The following GPC5 variants were observed in gnomAD, a reference collection of about 807,000 sequenced individuals.
GPC5 encodes glypican-5.
A neutral mutation model predicts 53.9 loss-of-function variants in GPC5; 47 were observed. The ratio of observed to expected loss-of-function variants is 0.87; its 90% CI spans 0.69 to 1.11. The LOEUF (loss-of-function observed/expected upper bound fraction) is 1.11. Among genes scored for constraint, GPC5 ranks in the 50% most tolerant of loss-of-function variants. The probability of loss-of-function intolerance (pLI) is 0.00; values close to 1 mark genes in which losing one functional copy is unlikely to be tolerated. For missense variants in GPC5, 748 were observed against 713.1 expected, an observed-to-expected ratio of 1.05 and a Z score of -0.56; for synonymous variants, 286 against 263.3, an observed-to-expected ratio of 1.09 and a Z score of -0.84.
At chr13:92,715,646 T>C (rs890643013) in intron 7 of GPC5, among the ~76,000 whole-genome samples, 2 of 152,188 alleles carry the variant, frequency 1.3e-5, no homozygotes, top group African/African-American at 4.8e-5. Flanking sequence ...ATCTCATAAA[T>C]TTTCTCAACT....
At chr13:91,620,844 A>C (rs994807765) in intron 2 of GPC5, among the ~76,000 whole-genome samples, 9 of 152,074 alleles carry the variant, frequency 5.9e-5, no homozygotes, top group Non-Finnish European at 1.2e-4. Flanking sequence ...CAATACCTTC[A>C]TTTGCTTTGA....
intron 7 of GPC5, among the ~76,000 whole-genome samples, chr13:92,217,618 G>A (rs2042420103): frequency 6.6e-6 from 1 of 152,176 alleles, no homozygotes; most frequent in Non-Finnish European, 1.5e-5. Flanking sequence ...CCGCCACCAA[G>A]TGCAAAATCC....
chr13:91,412,778 T>A (rs1354854594), intron 1 of GPC5, among the ~76,000 whole-genome samples: 1 of 152,236 alleles, frequency 6.6e-6, no homozygotes, highest in Admixed American at 6.5e-5. Flanking sequence ...TGTCTCTGCC[T>A]TCTGGAGAAT....
intron 1 of GPC5, among the ~76,000 whole-genome samples, chr13:91,425,838 G>T (rs531149501): frequency 6.6e-6 from 1 of 152,262 alleles, no homozygotes; most frequent in Admixed American, 6.5e-5. Flanking sequence ...GGAAGATGTG[G>T]GAAAGTTTGG....
At chr13:92,412,825 T>C (rs936891247) in intron 7 of GPC5, among the ~76,000 whole-genome samples, 1 of 152,220 alleles carries the variant, frequency 6.6e-6, no homozygotes, top group African/African-American at 2.4e-5. Context: ...GATACATTAA[T>C]ATCTAGATCT....
At position 92,692,738 on chromosome 13, in the gene GPC5, C is replaced by G. The variant is rs141541371; in HGVS notation, c.1562-173544C>G. 5.8e-3 allele frequency among the ~76,000 whole-genome samples: 679 copies of G among 116,990 alleles called. 2 individuals carry two copies. The highest frequency in any genetic ancestry group is 9.6e-3 in the Non-Finnish European group (555 of 57,834). 76.7% of individuals were successfully genotyped at this position (116,990 alleles called of 152,430 possible). A position where few individuals can be genotyped will look rare whatever the true frequency, so the allele number is the denominator to read the frequency against. ...ACGTGTGTTCCCTTTCCTCCAAAGC[C>G]TCACCAATATCGGCTATTTTTTTTT... On this transcript the variant is annotated intron_variant, in intron 7 of 7. Coordinates refer to ENST00000377067, the MANE Select transcript of GPC5 (RefSeq NM_004466.6).
intron 7 of GPC5, among the ~76,000 whole-genome samples, chr13:92,782,049 G>C (rs1455091174): frequency 2.0e-5 from 3 of 150,698 alleles, no homozygotes; most frequent in Non-Finnish European, 1.5e-5. Context: ...GAAAGGAAGG[G>C]AAGGGAAGTG....
At chr13:91,775,163 G>A (rs867374241) in intron 5 of GPC5, among the ~76,000 whole-genome samples, 8 of 152,078 alleles carry the variant, frequency 5.3e-5, no homozygotes, top group South Asian at 2.1e-4. Flanking sequence ...AGAGATGAGC[G>A]GAAGAGGTTT....
intron 7 of GPC5, among the ~76,000 whole-genome samples, chr13:92,383,643 T>A (rs1020259479): frequency 6.6e-6 from 1 of 152,214 alleles, no homozygotes; most frequent in African/African-American, 2.4e-5. Context: ...GTCAACAATC[T>A]GTTTCAGTGA....
chr13:92,432,411 C>CTGGAAT (rs1390645504), intron 7 of GPC5, among the ~76,000 whole-genome samples: 4 of 132,126 alleles, frequency 3.0e-5, no homozygotes, highest in Non-Finnish European at 4.6e-5. Flanking sequence ...GTCACCCAGG[C>CTGGAAT]TGGAATGCAG....
intron 5 of GPC5, among the ~76,000 whole-genome samples, chr13:91,792,221 A>G (rs894385284): frequency 6.6e-6 from 1 of 152,244 alleles, no homozygotes; most frequent in African/African-American, 2.4e-5. Flanking sequence ...TCCTGACTTC[A>G]CTGCGTAGCA....
intron 2 of GPC5, among the ~76,000 whole-genome samples, chr13:91,505,572 G>T (rs1220246648): frequency 6.6e-6 from 1 of 152,154 alleles, no homozygotes; most frequent in African/African-American, 2.4e-5. Flanking sequence ...TCAGCACTTT[G>T]TTCAAGTTTC....
intron 7 of GPC5, among the ~76,000 whole-genome samples, chr13:92,445,895 G>T (rs1052527318): frequency 2.0e-5 from 3 of 152,026 alleles, no homozygotes; most frequent in Non-Finnish European, 4.4e-5. Context: ...CTCCTGAGTA[G>T]CTGGGATTAT....
At chr13:91,850,866 G>T (rs1030192872) in intron 5 of GPC5, among the ~76,000 whole-genome samples, 2 of 151,972 alleles carry the variant, frequency 1.3e-5, no homozygotes, top group African/African-American at 4.8e-5. Flanking sequence ...TTTGTTTGGG[G>T]CTCTATCCTT....
At chr13:92,153,442 T>C (rs923874861) in intron 7 of GPC5, among the ~76,000 whole-genome samples, 1 of 152,178 alleles carries the variant, frequency 6.6e-6, no homozygotes, top group Admixed American at 6.5e-5. Context: ...CCAGCCTTCA[T>C]TTCCTTTTAC....
At position 91,498,104 on chromosome 13, in the gene GPC5, G is replaced by A. The variant is rs1023232777; in HGVS notation, c.325+49182G>A. The stretch of plus-strand genomic sequence containing the variant: ...TAATCTTAGATTTTTTTTTTCTCCC[G>A]CTTAATGCTTTTCACCCCCCTACCT... On this transcript the variant is annotated intron_variant, in intron 2 of 7. Coordinates refer to ENST00000377067, the MANE Select transcript of GPC5 (RefSeq NM_004466.6). Among the ~76,000 whole-genome samples, 7 of 146,898 alleles carry A rather than the reference G, an allele frequency of 4.8e-5. No individual in the cohort carries two copies. In the East Asian group the frequency reaches 6.0e-4, roughly 13 times the overall value.
intron 2 of GPC5, among the ~76,000 whole-genome samples, chr13:91,593,879 G>T (rs1418734187): frequency 6.7e-6 from 1 of 148,168 alleles, no homozygotes; most frequent in African/African-American, 2.5e-5. Flanking sequence ...TTCTGGCCAT[G>T]ATTAACCAAG....
chr13:92,414,804 G>A (rs955620253), intron 7 of GPC5, among the ~76,000 whole-genome samples: 3 of 152,138 alleles, frequency 2.0e-5, no homozygotes, highest in Admixed American at 6.5e-5. Context: ...GTTCATAGAT[G>A]TCTTCTAGTT....
At chr13:92,560,860 T>C (rs966355780) in intron 7 of GPC5, among the ~76,000 whole-genome samples, 4 of 132,434 alleles carry the variant, frequency 3.0e-5, no homozygotes, top group African/African-American at 1.4e-4. Context: ...AAATTATATG[T>C]GTGTGTGTGT....
Sources: allele counts gnomAD v4.1 joint callset (sites outside exome capture counted in the v4.1 genomes callset), GRCh38; gene constraint gnomAD v4.1.1; transcripts MANE v1.5; gene names NCBI Gene and HGNC (gene_info 2026-07-23, HGNC 2026-07-21).